GALNT17: variants seen among roughly 807,000 people sequenced by gnomAD.
GALNT17 encodes the protein UDP-GalNAc:polypeptide N-acetylgalactosaminyltransferase-like 3.
Under a neutral mutation model 63.7 loss-of-function variants are expected in GALNT17, and 29 were observed. The observed-to-expected ratio is 0.46, with a 90% confidence interval of 0.34 to 0.62. The LOEUF (loss-of-function observed/expected upper bound fraction) is 0.62. Ranked by LOEUF, GALNT17 falls within the 20% of genes least tolerant of loss-of-function variation. GALNT17 has a pLI of 0.01. For synonymous variants in GALNT17, 305 were observed against 318.3 expected (o/e 0.96, Z 0.45); for missense variants, 603 against 799.6 (o/e 0.75, Z 2.97).
chr7:71,416,288 A>T (rs979018234), intron 4 of GALNT17, among the ~76,000 whole-genome samples: 6 of 152,158 alleles, frequency 3.9e-5, no homozygotes, highest in Non-Finnish European at 8.8e-5. Context: ...CATCATCGTC[A>T]TCATCATCGT....
chr7:71,688,555 G>GGT (rs10651199), intron 9 of GALNT17, among the ~76,000 whole-genome samples: 1 of 151,882 alleles, frequency 6.6e-6, no homozygotes, highest in African/African-American at 2.4e-5. Flanking sequence ...CTGAGAAGTG[G>GGT]CTCTCGTGAT....
At chr7:71,435,528 A>G (rs1299955419) in intron 5 of GALNT17, among the ~76,000 whole-genome samples, 1 of 152,152 alleles carries the variant, frequency 6.6e-6, no homozygotes, top group Non-Finnish European at 1.5e-5. Context: ...AGTGCTTGAG[A>G]TATTTTGCAG....
At chr7:71,287,539 A>T (rs115508066) in intron 1 of GALNT17, among the ~76,000 whole-genome samples, 163 of 152,234 alleles carry the variant, frequency 1.1e-3, no homozygotes, top group African/African-American at 3.8e-3. Flanking sequence ...ATTTATAGTT[A>T]ACCCTTTAAC....
At chr7:71,617,616 TTTTGTTTGTTTGTTTGTTTG>T (rs199901403) in intron 6 of GALNT17, among the ~76,000 whole-genome samples, 24 of 146,614 alleles carry the variant, frequency 1.6e-4, no homozygotes, top group Middle Eastern at 6.8e-3. Context: ...AACTGGCTGC[TTTTGTTTGTTTGTTTGTTTG>T]TTTGTTTGTT....
intron 6 of GALNT17, among the ~76,000 whole-genome samples, chr7:71,609,178 AG>A (rs1446526695): frequency 6.6e-6 from 1 of 152,166 alleles, no homozygotes; most frequent in Non-Finnish European, 1.5e-5. Flanking sequence ...TCTATACCAA[AG>A]GATGTGCCTT....
intron 6 of GALNT17, among the ~76,000 whole-genome samples, chr7:71,611,090 A>T (rs1366460781): frequency 6.6e-6 from 1 of 151,618 alleles, no homozygotes; most frequent in Non-Finnish European, 1.5e-5. Flanking sequence ...ATTCATCCAC[A>T]GGTTTCCCCT....
intron 3 of GALNT17, among the ~76,000 whole-genome samples, chr7:71,413,419 G>T (rs1258642837): frequency 6.6e-6 from 1 of 151,868 alleles, no homozygotes; most frequent in African/African-American, 2.4e-5. Flanking sequence ...AGGCTGGAGT[G>T]CAGTGGTGCG....
intron 2 of GALNT17, among the ~76,000 whole-genome samples, chr7:71,351,072 C>A (rs1792180811): frequency 6.6e-6 from 1 of 152,178 alleles, no homozygotes; most frequent in Non-Finnish European, 1.5e-5. Context: ...ACCTGGGAGG[C>A]AGAGGGTGCA....
At chr7:71,405,812 C>G (rs1216750804) in intron 3 of GALNT17, among the ~76,000 whole-genome samples, 2 of 152,156 alleles carry the variant, frequency 1.3e-5, no homozygotes, top group East Asian at 3.9e-4. Flanking sequence ...AACACTTGCC[C>G]TCTTAATACC....
intron 1 of GALNT17, among the ~76,000 whole-genome samples, chr7:71,290,216 T>C (rs1459323884): frequency 6.6e-6 from 1 of 152,170 alleles, no homozygotes; most frequent in Non-Finnish European, 1.5e-5. Flanking sequence ...GTCAAATATA[T>C]TGGTTTTGAA....
chr7:71,530,126 G>C (rs1445052835), intron 5 of GALNT17, among the ~76,000 whole-genome samples: 2 of 152,124 alleles, frequency 1.3e-5, no homozygotes, highest in Non-Finnish European at 2.9e-5. Context: ...CCACTTACCT[G>C]GTCAACTGTT....
intron 9 of GALNT17, among the ~76,000 whole-genome samples, chr7:71,698,699 A>G (rs961737420): frequency 1.3e-5 from 2 of 152,138 alleles, no homozygotes; most frequent in African/African-American, 4.8e-5. Context: ...AGGAGAAAGA[A>G]GGAAACAGAG....
intron 3 of GALNT17, among the ~76,000 whole-genome samples, chr7:71,409,219 T>C (rs1255182288): frequency 3.9e-5 from 6 of 152,112 alleles, no homozygotes; most frequent in Admixed American, 1.3e-4. Flanking sequence ...ACACTGGGAT[T>C]CTGGAATGTC....
At chr7:71,319,593 C>T (rs570851428) in intron 1 of GALNT17, among the ~76,000 whole-genome samples, 7 of 152,256 alleles carry the variant, frequency 4.6e-5, no homozygotes, top group African/African-American at 1.4e-4. Flanking sequence ...CTCCCATGTA[C>T]TTGACAGCTT....
At chr7:71,438,190 A>G (rs1005988565) in intron 5 of GALNT17, among the ~76,000 whole-genome samples, 1 of 152,238 alleles carries the variant, frequency 6.6e-6, no homozygotes, top group Non-Finnish European at 1.5e-5. Context: ...TCACAAGATG[A>G]CAAGGTCCCA....
intron 8 of GALNT17, among the ~76,000 whole-genome samples, chr7:71,672,084 T>C (rs1378203855): frequency 6.7e-6 from 1 of 149,502 alleles, no homozygotes; most frequent in South Asian, 2.1e-4. Context: ...TATTAATAGA[T>C]CTGAACTGCC....
chr7:71,531,073 TG>T (rs1457389017), intron 5 of GALNT17, among the ~76,000 whole-genome samples: 1 of 152,140 alleles, frequency 6.6e-6, no homozygotes, highest in African/African-American at 2.4e-5. Context: ...TATATCAAAA[TG>T]TATTTTTATT....
At chr7:71,524,079 T>C (rs976656318) in intron 5 of GALNT17, among the ~76,000 whole-genome samples, 8 of 151,298 alleles carry the variant, frequency 5.3e-5, no homozygotes, top group Admixed American at 3.3e-4. Context: ...GATCACACCA[T>C]TGCGCTTCAG....
At chr7:71,134,091 C>T (rs1232315633) in intron 1 of GALNT17, among the ~76,000 whole-genome samples, 1 of 152,214 alleles carries the variant, frequency 6.6e-6, no homozygotes, top group Non-Finnish European at 1.5e-5. Flanking sequence ...CACCCATCCA[C>T]AGAGGGGAAA....
Sources: gnomAD v4.1 joint callset for allele counts (sites outside exome capture counted in the v4.1 genomes callset) on GRCh38, gnomAD v4.1.1 for gene constraint, MANE v1.5 for transcripts, NCBI Gene and HGNC (gene_info 2026-07-23, HGNC 2026-07-21) for gene names.